SGCD: variants seen among roughly 807,000 people sequenced by gnomAD.
The protein encoded by SGCD is sarcoglycan delta.
A neutral mutation model predicts 36.6 loss-of-function variants in SGCD; 18 were observed. The ratio of observed to expected loss-of-function variants is 0.49; its 90% confidence interval spans 0.34 to 0.73. SGCD has a LOEUF of 0.73. SGCD is among the 30% of genes least tolerant of loss of function. SGCD has a pLI of 0.01. For synonymous variants in SGCD, 133 were observed against 130.6 expected (o/e 1.02, Z -0.12); for missense variants, 387 against 346.7 (o/e 1.12, Z -0.92).
intron 1 of SGCD, among the ~76,000 whole-genome samples, chr5:156,083,604 T>A (rs1311403728): frequency 6.6e-6 from 1 of 151,888 alleles, no homozygotes; most frequent in Non-Finnish European, 1.5e-5. Context: ...CCATTTTTTT[T>A]TTTTTTTCCT....
intron 3 of SGCD, among the ~76,000 whole-genome samples, chr5:156,142,923 C>T (rs148804517): frequency 1.1e-4 from 17 of 152,274 alleles, no homozygotes; most frequent in African/African-American, 4.1e-4. Flanking sequence ...AAATAGGCTG[C>T]AGAAATTTAC....
At chr5:156,407,063 C>T (rs1231064848) in intron 3 of SGCD, among the ~76,000 whole-genome samples, 3 of 151,816 alleles carry the variant, frequency 2.0e-5, no homozygotes, top group African/African-American at 7.3e-5. Flanking sequence ...TTTCTGCCTG[C>T]TTTATATTCA....
chr5:156,551,158 G>T (rs760603418), intron 4 of SGCD, among the ~76,000 whole-genome samples: 2 of 152,082 alleles, frequency 1.3e-5, no homozygotes, highest in Non-Finnish European at 1.5e-5. Flanking sequence ...TCTTGTTCTT[G>T]CTACCTGTGG....
intron 1 of SGCD, among the ~76,000 whole-genome samples, chr5:155,956,435 G>A (rs1757650895): frequency 6.6e-6 from 1 of 152,092 alleles, no homozygotes; most frequent in Non-Finnish European, 1.5e-5. Flanking sequence ...TTCTCTGACG[G>A]ATGATGGCTG....
Position 155,872,506 on chromosome 5 carries a change from C to G in SGCD, c.-282+2082C>G, listed in dbSNP as rs148480700. ...AATAACATTGCTGTTAAAGAGACAG[C>G]CAACAGCCAAGTGACTTTGAATAGA... On this transcript the variant is annotated intron_variant, in intron 1 of 9. Transcript: ENST00000517913. 3.6e-3 allele frequency among the ~76,000 whole-genome samples: 553 copies of G among 152,174 alleles called. 1 individual carries two copies. The highest frequency in any genetic ancestry group is 9.1e-3 in the South Asian group (44 of 4,818).
the SGCD span, among the ~76,000 whole-genome samples, chr5:155,863,226 C>T: frequency 6.6e-6 from 1 of 152,136 alleles, no homozygotes; most frequent in Admixed American, 6.5e-5. Flanking sequence ...AATGGCCGCC[C>T]CTGCAGCCTG....
At chr5:156,277,926 G>A (rs1351260962) in intron 3 of SGCD, among the ~76,000 whole-genome samples, 2 of 152,124 alleles carry the variant, frequency 1.3e-5, no homozygotes, top group Admixed American at 6.6e-5. Flanking sequence ...GGTCTGATCT[G>A]AGAAATGGAC....
At chr5:156,467,463 C>A (rs1167284610) in intron 3 of SGCD, among the ~76,000 whole-genome samples, 2 of 152,106 alleles carry the variant, frequency 1.3e-5, no homozygotes, top group African/African-American at 2.4e-5. Flanking sequence ...ATGGTTCTAC[C>A]TCAATGTTCC....
At chr5:155,743,191 A>C in the SGCD span, among the ~76,000 whole-genome samples, 9 of 152,188 alleles carry the variant, frequency 5.9e-5, no homozygotes, top group Non-Finnish European at 1.0e-4. Flanking sequence ...ATGTGATTAT[A>C]AAGGCTCAAC....
At chr5:155,768,297 T>TC in the SGCD span, among the ~76,000 whole-genome samples, 7 of 151,668 alleles carry the variant, frequency 4.6e-5, no homozygotes, top group Non-Finnish European at 8.8e-5. Context: ...TTTTAGTTTT[T>TC]TTTTTCCTAA....
At position 156,431,465 on chromosome 5, in the gene SGCD, T is replaced by G. The variant is rs1186309122; in HGVS notation, c.193-77136T>G. Among the ~76,000 whole-genome samples, 3 of 152,022 alleles carry G rather than the reference T, an allele frequency of 2.0e-5. 1 individual carries two copies. The highest frequency in any genetic ancestry group is 3.9e-4 in the East Asian group (2 of 5,154). ...GTGCCAGAGGGGAACAAGGACCCCT[T>G]CTCCAAGTCCCTTCCTAATCAGAGA... is the stretch of plus-strand genomic sequence containing the variant. On this transcript the variant is annotated intron_variant, in intron 3 of 8. Transcript: ENST00000337851.
intron 7 of SGCD, among the ~76,000 whole-genome samples, chr5:156,743,648 C>G (rs1233041190): frequency 6.6e-6 from 1 of 152,154 alleles, no homozygotes; most frequent in Non-Finnish European, 1.5e-5. Context: ...AAGCAAATCT[C>G]AAAATGGTTT....
At chr5:156,738,057 A>G (rs1340613068) in intron 7 of SGCD, among the ~76,000 whole-genome samples, 1 of 152,238 alleles carries the variant, frequency 6.6e-6, no homozygotes, top group Non-Finnish European at 1.5e-5. Context: ...AAAATAATCA[A>G]CAGCCTAGCT....
At chr5:156,455,622 C>G (rs1205097572) in intron 3 of SGCD, among the ~76,000 whole-genome samples, 1 of 152,058 alleles carries the variant, frequency 6.6e-6, no homozygotes, top group African/African-American at 2.4e-5. Flanking sequence ...TTGCCTGGAG[C>G]CTTGCATAGA....
the SGCD span, among the ~76,000 whole-genome samples, chr5:155,791,695 T>C: frequency 6.6e-4 from 101 of 152,190 alleles, 1 homozygote; most frequent in South Asian, 4.6e-3. Context: ...GGAATACATC[T>C]AACCAAGGAG....
chr5:156,077,141 G>A (rs894543634), intron 1 of SGCD, among the ~76,000 whole-genome samples: 22 of 152,066 alleles, frequency 1.4e-4, no homozygotes, highest in Non-Finnish European at 2.4e-4. Flanking sequence ...TTCAAATTAA[G>A]ATGTGTGGCT....
At chr5:156,114,309 A>C (rs944299930) in intron 1 of SGCD, among the ~76,000 whole-genome samples, 7 of 152,014 alleles carry the variant, frequency 4.6e-5, no homozygotes, top group African/African-American at 1.7e-4. Context: ...CGAACCTAAA[A>C]CTGCTATAAT....
In SGCD at chr5:156,453,873, A is replaced by G. The variant is rs1055274274; in HGVS notation, c.193-54728A>G. On this transcript the variant is annotated intron_variant, in intron 3 of 8. Coordinates refer to ENST00000337851, the MANE Select transcript of SGCD (RefSeq NM_000337.6). ...AAAGAAGCCAGACATAGAAGAGTAT[A>G]ACTTTATTTGTACAAAATTCTAGAA... Among the ~76,000 whole-genome samples the G allele has an allele frequency of 6.6e-5, 10 of 152,342 alleles. No homozygotes were observed. The South Asian group carries it at 1.4e-3, about 22-fold the overall frequency.
At chr5:156,421,118 A>G (rs920703911) in intron 3 of SGCD, among the ~76,000 whole-genome samples, 1 of 152,106 alleles carries the variant, frequency 6.6e-6, no homozygotes, top group African/African-American at 2.4e-5. Flanking sequence ...AACAACTCCA[A>G]ATGGTCTCAA....
Sources: allele counts gnomAD v4.1 joint callset (sites outside exome capture counted in the v4.1 genomes callset), GRCh38; gene constraint gnomAD v4.1.1; transcripts MANE v1.5; gene names NCBI Gene and HGNC (gene_info 2026-07-23, HGNC 2026-07-21).